HTR1E: variants seen among roughly 807,000 people sequenced by gnomAD.
HTR1E encodes the protein 5-hydroxytryptamine receptor 1E.
A neutral mutation model predicts 3.4 loss-of-function variants in HTR1E; 3 were observed. That is an observed-to-expected ratio of 0.89 (90% CI 0.41 to 2.31). The LOEUF (loss-of-function observed/expected upper bound fraction) is 2.31. Among genes scored for constraint, HTR1E ranks in the 30% most tolerant of loss-of-function variants. The probability of loss-of-function intolerance (pLI) is 0.05; values close to 1 mark genes in which losing one functional copy is unlikely to be tolerated. For missense variants in HTR1E, 392 were observed against 467.0 expected (o/e 0.84, Z 1.48); for synonymous variants, 170 against 182.8 (o/e 0.93, Z 0.56).
chr6:86,988,668 A>C (rs1275823787), intron 1 of HTR1E, among the ~76,000 whole-genome samples: 1 of 152,114 alleles, frequency 6.6e-6, no homozygotes, highest in East Asian at 1.9e-4. Flanking sequence ...CCCTTTCTCT[A>C]TATCTATCCT....
intron 1 of HTR1E, among the ~76,000 whole-genome samples, chr6:86,948,832 T>C (rs1340688493): frequency 6.6e-6 from 1 of 152,086 alleles, no homozygotes; most frequent in Non-Finnish European, 1.5e-5. Context: ...ATCACCTACA[T>C]TGGATTTGGA....
chr6:87,009,537 C>T (rs1768169698), intron 1 of HTR1E, among the ~76,000 whole-genome samples: 1 of 149,240 alleles, frequency 6.7e-6, no homozygotes, highest in East Asian at 2.1e-4. Flanking sequence ...TCCACAAAGC[C>T]GCCATTGTCA....
intron 1 of HTR1E, among the ~76,000 whole-genome samples, chr6:86,981,125 G>A (rs1231452925): frequency 6.6e-6 from 1 of 152,178 alleles, no homozygotes; most frequent in East Asian, 1.9e-4. Flanking sequence ...GGAGTAATGG[G>A]TTGAGGCAAC....
chr6:86,963,405 AT>A (rs1336982267), intron 1 of HTR1E, among the ~76,000 whole-genome samples: 3 of 152,198 alleles, frequency 2.0e-5, no homozygotes, highest in Non-Finnish European at 4.4e-5. Flanking sequence ...TAAAGTAAAA[AT>A]GTTACAATGA....
chr6:86,950,146 A>T (rs1767212138), intron 1 of HTR1E, among the ~76,000 whole-genome samples: 1 of 152,220 alleles, frequency 6.6e-6, no homozygotes. Context: ...AATCATTGTT[A>T]AATATTAAGA....
rs149579109 is a variant in HTR1E at position 87,002,371 on chromosome 6, T to C, written c.-185-12779T>C. On this transcript the variant is annotated intron_variant, in intron 1 of 1. Coordinates refer to ENST00000305344, the MANE Select transcript of HTR1E (RefSeq NM_000865.3). ...AAAGAGTGAGCAACAGCAAGATTTA[T>C]TGTGAAGAGCAAAAGAACAAAGTGT... Among the ~76,000 whole-genome samples the C allele has an allele frequency of 2.6e-4, 40 of 152,328 alleles. No homozygotes were observed. The East Asian group carries it at 6.4e-3, about 24-fold the overall frequency.
chr6:87,005,822 T>G (rs1768095779), intron 1 of HTR1E, among the ~76,000 whole-genome samples: 1 of 152,116 alleles, frequency 6.6e-6, no homozygotes, highest in African/African-American at 2.4e-5. Context: ...GTGAAAATAT[T>G]TGCAAACTAC....
chr6:87,014,955 T>A (rs537086277), intron 1 of HTR1E, among the ~76,000 whole-genome samples, 195 bp from the exon 2 acceptor site: 82 of 150,330 alleles, frequency 5.5e-4, no homozygotes, highest in Middle Eastern at 3.4e-3. Flanking sequence ...AAGTATAATT[T>A]AAAAAAAAAC....
intron 1 of HTR1E, among the ~76,000 whole-genome samples, chr6:86,945,523 G>A (rs1046979583): frequency 2.0e-5 from 3 of 151,136 alleles, no homozygotes; most frequent in African/African-American, 4.9e-5. Flanking sequence ...GATTACAGGC[G>A]TGAGTATCTT....
chr6:86,945,261 GT>G (rs1470264709), intron 1 of HTR1E, among the ~76,000 whole-genome samples: 1 of 152,084 alleles, frequency 6.6e-6, no homozygotes, highest in Non-Finnish European at 1.5e-5. Context: ...TTGTTTGTTT[GT>G]TTGAGACAGA....
intron 1 of HTR1E, among the ~76,000 whole-genome samples, chr6:86,966,626 G>A (rs937009406): frequency 2.0e-5 from 3 of 152,300 alleles, no homozygotes; most frequent in Middle Eastern, 3.4e-3. Flanking sequence ...GTAAGTACAG[G>A]GGTGTGTAAG....
intron 1 of HTR1E, among the ~76,000 whole-genome samples, chr6:86,977,029 T>C (rs1029622253): frequency 6.6e-6 from 1 of 152,222 alleles, no homozygotes; most frequent in Non-Finnish European, 1.5e-5. Flanking sequence ...TTTTTAATAC[T>C]GTATGAAAAC....
intron 1 of HTR1E, among the ~76,000 whole-genome samples, chr6:86,977,226 C>T (rs1417249147): frequency 2.6e-5 from 4 of 152,130 alleles, no homozygotes; most frequent in Non-Finnish European, 4.4e-5. Flanking sequence ...TCTGTTGTTC[C>T]CACGTTTGTG....
At chr6:86,940,484 C>A (rs981836721) in intron 1 of HTR1E, among the ~76,000 whole-genome samples, 5 of 152,076 alleles carry the variant, frequency 3.3e-5, no homozygotes, top group African/African-American at 1.2e-4. Flanking sequence ...TGCAGTGAGC[C>A]AAGTTTGTGC....
chr6:86,978,873 G>A (rs1260589026), intron 1 of HTR1E, among the ~76,000 whole-genome samples: 3 of 152,080 alleles, frequency 2.0e-5, no homozygotes, highest in African/African-American at 4.8e-5. Flanking sequence ...TTCCTTCCTG[G>A]CATAGAGAGA....
intron 1 of HTR1E, among the ~76,000 whole-genome samples, chr6:86,945,021 A>T (rs1433764611): frequency 2.3e-5 from 3 of 132,676 alleles, no homozygotes; most frequent in Admixed American, 1.5e-4. Context: ...CTACTTAATT[A>T]AAAAAAAAAA....
At chr6:86,974,762 A>C (rs1289895611) in intron 1 of HTR1E, among the ~76,000 whole-genome samples, 1 of 152,176 alleles carries the variant, frequency 6.6e-6, no homozygotes, top group Non-Finnish European at 1.5e-5. Context: ...ATCTTTTGTC[A>C]GTATGGACTC....
In HTR1E at chr6:87,011,419, G is replaced by A. The variant is rs529515435; in HGVS notation, c.-185-3731G>A. The stretch of plus-strand genomic sequence containing the variant: ...CCTGGGTTCCTTCAAAGCAGTTCAG[G>A]AAAATATTCTCTAAATGATGGTGGT... On this transcript the variant is annotated intron_variant, in intron 1 of 1. Transcript: ENST00000305344. Among the ~76,000 whole-genome samples, 6 of 152,296 alleles carry A rather than the reference G, an allele frequency of 3.9e-5. No individual in the cohort carries two copies. In the South Asian group the frequency reaches 1.2e-3, roughly 32 times the overall value.
chr6:86,972,449 A>G lies in HTR1E; in HGVS notation c.-186+34626A>G, dbSNP rs146855431. Among the ~76,000 whole-genome samples, 1,211 of 152,318 alleles carry G rather than the reference A, an allele frequency of 8.0e-3. 8 individuals carry two copies. Among genetic ancestry groups the G allele is most frequent in the Middle Eastern group, 0.044 (13 of 294 alleles). On this transcript the variant is annotated intron_variant, in intron 1 of 1. Coordinates refer to ENST00000305344, the MANE Select transcript of HTR1E (RefSeq NM_000865.3). ...CTCATTACAACTGGTGGTTGTACAC[A>G]TTGAAATATTGTTGTATGGGGCAGT... is the stretch of plus-strand genomic sequence containing the variant.
Sources: allele counts gnomAD v4.1 joint callset (sites outside exome capture counted in the v4.1 genomes callset), GRCh38; gene constraint gnomAD v4.1.1; transcripts MANE v1.5; gene names NCBI Gene and HGNC (gene_info 2026-07-23, HGNC 2026-07-21).